HPS3: variants seen among roughly 807,000 people sequenced by gnomAD.
HPS3 encodes HPS3 biogenesis of lysosomal organelles complex 2 subunit 1, also known as BLOC-2 complex member HPS3.
A neutral mutation model predicts 110.9 loss-of-function variants in HPS3; 79 were observed. That is an observed-to-expected ratio of 0.71 (90% confidence interval 0.59 to 0.86). The LOEUF (loss-of-function observed/expected upper bound fraction) is 0.86. HPS3 is among the 40% of genes least tolerant of loss of function. The pLI is 0.00. For missense variants in HPS3, 1,197 were observed against 1,206.2 expected (o/e 0.99, Z 0.11); for synonymous variants, 428 against 451.0 (o/e 0.95, Z 0.65).
At chr3:149,131,235 C>T (rs115417150) in intron 1 of HPS3, among the ~76,000 whole-genome samples, 3,249 of 151,930 alleles carry the variant, frequency 0.021, 69 homozygotes, top group Middle Eastern at 0.058. Context: ...TATCTGACTG[C>T]TTATTTTGTC....
At chr3:149,159,031 T>C (rs752150336) in intron 10 of HPS3, among the ~76,000 whole-genome samples, 185 bp downstream of exon 10, 1 of 152,244 alleles carries the variant, frequency 6.6e-6, no homozygotes, top group African/African-American at 2.4e-5. Flanking sequence ...AAAGAACTTA[T>C]GGATAATCTT....
intron 1 of HPS3, among the ~76,000 whole-genome samples, chr3:149,135,211 G>A (rs1029456920): frequency 1.3e-5 from 2 of 152,162 alleles, no homozygotes; most frequent in African/African-American, 4.8e-5. Context: ...GGGGTATTAG[G>A]GAGAAAGCAG....
rs374861810 is a variant in HPS3, at chr3:149,162,650, A to G, written c.2293-40A>G. On this transcript the variant is annotated intron_variant, in intron 12 of 16. Transcript: ENST00000296051. ...CCAGCTGTCGCTTTATCAGTGCTAT[A>G]TTTATCTGGAATATAGAGGCTCCTT... is the stretch of plus-strand genomic sequence containing the variant. 138 of 1,601,350 alleles carry G rather than the reference A, an allele frequency of 8.6e-5. No individual in the cohort carries two copies. The African/African-American group carries it at 9.8e-4, about 11-fold the overall frequency.
chr3:149,157,023 A>G (rs140971828), intron 8 of HPS3, among the ~76,000 whole-genome samples: 21 of 152,306 alleles, frequency 1.4e-4, no homozygotes, highest in African/African-American at 4.8e-4. Context: ...AAATATTAAC[A>G]TGTTCACTAG....
rs1225447105 is a variant in HPS3 at position 149,141,358 on chromosome 3, G to T, written c.948G>T (p.Gln316His). 2 of 1,613,686 alleles carry T rather than the reference G, an allele frequency of 1.2e-6. No homozygotes were observed. Among genetic ancestry groups the T allele is most frequent in the South Asian group, 1.1e-5 (1 of 91,076 alleles). ...ATGACATCAAGCTACATTCCCTCCA[G>T]CTGCTACCCATTTACCAGACCGGTA... Reference protein sequence around the residue: ...LSDDIKLHSLQLLPIYQTGSL... With the variant: ...LSDDIKLHSLHLLPIYQTGSL... Residue 316 changes from glutamine to histidine, a missense_variant, in exon 4 of 17, where the codon CAG (glutamine) becomes CAT (histidine). Coordinates refer to ENST00000296051, the MANE Select transcript of HPS3 (RefSeq NM_032383.5).
chr3:149,154,913 A>G (rs940778570), intron 7 of HPS3, among the ~76,000 whole-genome samples, 194 bp from the exon 8 acceptor site: 1 of 152,248 alleles, frequency 6.6e-6, no homozygotes, highest in Admixed American at 6.5e-5. Flanking sequence ...TGAAAATTAC[A>G]GAATATTAAA....
At chr3:149,156,042 CTT>C (rs1425910463) in intron 8 of HPS3, among the ~76,000 whole-genome samples, 2 of 152,026 alleles carry the variant, frequency 1.3e-5, no homozygotes, top group African/African-American at 4.8e-5. Flanking sequence ...TCTTTTGACT[CTT>C]TTTTAAAAAA....
chr3:149,142,070 G>A (rs948949670), intron 4 of HPS3, among the ~76,000 whole-genome samples: 7 of 151,414 alleles, frequency 4.6e-5, no homozygotes, highest in Non-Finnish European at 1.0e-4. Context: ...GGCTGGTCTC[G>A]AACTCCCGAC....
intron 4 of HPS3, 88 bp downstream of exon 4, chr3:149,141,468 G>A (rs1223440157): frequency 5.9e-6 from 6 of 1,014,556 alleles, no homozygotes; most frequent in South Asian, 1.3e-5. Context: ...TGGGTAATAG[G>A]TTTGGTGGTT....
intron 6 of HPS3, among the ~76,000 whole-genome samples, chr3:149,152,761 C>A (rs571336802): frequency 2.0e-5 from 3 of 152,292 alleles, no homozygotes; most frequent in African/African-American, 7.2e-5. Flanking sequence ...ACCTCAGAAT[C>A]AAAACAGCAT....
At chr3:149,160,650 A>T (rs1406126536) in intron 11 of HPS3, among the ~76,000 whole-genome samples, 2 of 152,208 alleles carry the variant, frequency 1.3e-5, no homozygotes, top group African/African-American at 4.8e-5. Flanking sequence ...GATATTAGCC[A>T]TGAGCTTTAG....
intron 4 of HPS3, 147 bp downstream of exon 4, chr3:149,141,527 TTTTG>T: frequency 5.2e-6 from 3 of 580,868 alleles, no homozygotes; most frequent in East Asian, 3.1e-5. Flanking sequence ...AAGTTTTTTT[TTTTG>T]TTTTTTTTTT....
chr3:149,152,646 G>T (rs1038579948), intron 6 of HPS3, among the ~76,000 whole-genome samples: 10 of 152,304 alleles, frequency 6.6e-5, no homozygotes, highest in African/African-American at 2.4e-4. Flanking sequence ...TCAAGAGTCT[G>T]GTTGAAAGTG....
intron 11 of HPS3, among the ~76,000 whole-genome samples, chr3:149,160,513 C>T (rs1013659591): frequency 2.0e-5 from 3 of 152,180 alleles, no homozygotes; most frequent in South Asian, 2.1e-4. Context: ...GTGTCAAGTG[C>T]GTTCAGAGCA....
rs766322468 is a variant in HPS3, at chr3:149,172,245, T to C, written c.*23T>C. The C allele has an allele frequency of 1.2e-6, 2 of 1,606,862 alleles. No individual in the cohort carries two copies. Among genetic ancestry groups the C allele is most frequent in the South Asian group, 2.2e-5 (2 of 90,718 alleles). On this transcript the variant is annotated 3_prime_UTR_variant, in exon 17 of 17. Coordinates refer to ENST00000296051, the MANE Select transcript of HPS3 (RefSeq NM_032383.5). ...TAAAGGTATCATTTGAAAAATACCA[T>C]AATGGCATTTGAGACTGAATTTCTA... is the stretch of plus-strand genomic sequence containing the variant.
In HPS3 at chr3:149,140,042, A is replaced by G. The variant is rs571944287; in HGVS notation, c.256A>G (p.Thr86Ala). Reference sequence around the variant, plus strand: ...AGCAATTGAAGAGAAAAACAAAGCTACATTTCTACGTGCTTATGTGAACTG... The same window carrying G: ...AGCAATTGAAGAGAAAAACAAAGCTGCATTTCTACGTGCTTATGTGAACTG... ...LVAIEEKNKA[T>A]FLRAYVNWRN... The change falls in exon 2 of 17, where the codon ACA (threonine) becomes GCA (alanine). Residue 86 changes from threonine to alanine, a missense_variant. Thr to Ala is a moderately conservative substitution (Grantham distance 58). Transcript: ENST00000296051. The G allele has an allele frequency of 5.6e-6, 9 of 1,613,238 alleles. No homozygotes were observed. In the South Asian group the frequency reaches 6.6e-5, roughly 12 times the overall value.
chr3:149,135,653 T>C (rs1367185027), intron 1 of HPS3, among the ~76,000 whole-genome samples: 1 of 151,958 alleles, frequency 6.6e-6, no homozygotes, highest in Non-Finnish European at 1.5e-5. Flanking sequence ...ACTAATACAG[T>C]GTGTAAAGCA....
At chr3:149,171,502 A>G (rs568193915) in intron 16 of HPS3, among the ~76,000 whole-genome samples, 82 of 152,278 alleles carry the variant, frequency 5.4e-4, no homozygotes, top group African/African-American at 1.9e-3. Flanking sequence ...TCTTTAGAGG[A>G]TAGTAGAAAT....
chr3:149,145,553 T>A lies in HPS3; in HGVS notation c.1163+7T>A, dbSNP rs761311790. On this transcript the variant is annotated splice_region_variant and intron_variant, in intron 5 of 16. Transcript: ENST00000296051. ...TTTTGCACGTCATTACAAGGTACTG[T>A]TAGAGGGTCACTTGCTGGCCTGTGA... 6.2e-7 allele frequency: 1 copy of A among 1,611,138 alleles called. No homozygotes were observed. The highest frequency in any genetic ancestry group is 8.5e-7 in the Non-Finnish European group (1 of 1,177,248).
Sources: allele counts gnomAD v4.1 joint callset (sites outside exome capture counted in the v4.1 genomes callset), GRCh38; gene constraint gnomAD v4.1.1; transcripts MANE v1.5; gene names NCBI Gene and HGNC (gene_info 2026-07-23, HGNC 2026-07-21).